Variants in CNTN5 observed in about 807,000 individuals in gnomAD.
CNTN5 encodes the protein contactin-5.
In CNTN5, 77 loss-of-function variants were observed where a neutral mutation model predicts 129.1. That is an observed-to-expected ratio of 0.60 (90% CI 0.50 to 0.72). The LOEUF is 0.72. CNTN5 is among the 30% of genes least tolerant of loss of function. The pLI is 0.00. For synonymous variants in CNTN5, 509 were observed against 465.6 expected (o/e 1.09, Z -1.20); for missense variants, 1,478 against 1,328.8 (o/e 1.11, Z -1.75).
At chr11:100,299,536 A>G (rs1386557469) in intron 20 of CNTN5, 140 bp downstream of exon 20, 2 of 544,580 alleles carry the variant, frequency 3.7e-6, no homozygotes, top group Admixed American at 3.9e-5. Flanking sequence ...TTTTGGATAT[A>G]TATTTCCCAA....
chr11:99,987,274 T>A (rs948871289), intron 8 of CNTN5, among the ~76,000 whole-genome samples: 1 of 151,892 alleles, frequency 6.6e-6, no homozygotes, highest in African/African-American at 2.4e-5. Context: ...CCTGGTTTAG[T>A]TTACAGCTAA....
chr11:99,238,189 G>A (rs931703838), intron 1 of CNTN5, among the ~76,000 whole-genome samples: 5 of 152,074 alleles, frequency 3.3e-5, no homozygotes, highest in African/African-American at 1.2e-4. Flanking sequence ...AATGCACATG[G>A]GGTTAATAAA....
chr11:99,236,463 CACACAA>C (rs1411560088), intron 1 of CNTN5, among the ~76,000 whole-genome samples: 1 of 41,624 alleles, frequency 2.4e-5, no homozygotes, highest in Non-Finnish European at 5.1e-5. Flanking sequence ...CACACACTCA[CACACAA>C]ACACACACAC....
intron 2 of CNTN5, among the ~76,000 whole-genome samples, chr11:99,495,176 G>A (rs1946178524): frequency 6.6e-6 from 1 of 152,054 alleles, no homozygotes; most frequent in Non-Finnish European, 1.5e-5. Context: ...AGACCAGCCT[G>A]ACCAACATGA....
chr11:99,284,903 CCTT>C (rs1425601686), intron 1 of CNTN5, among the ~76,000 whole-genome samples: 8 of 151,932 alleles, frequency 5.3e-5, no homozygotes, highest in Admixed American at 1.3e-4. Context: ...TTGAAGATGA[CCTT>C]CTACTTGCCT....
At chr11:100,269,524 T>C (rs191455271) in intron 17 of CNTN5, among the ~76,000 whole-genome samples, 313 of 152,232 alleles carry the variant, frequency 2.1e-3, no homozygotes, top group Middle Eastern at 0.014. Flanking sequence ...AAAAAAGGGC[T>C]GGTTCTTTTT....
chr11:99,660,908 G>C (rs1281352633), intron 3 of CNTN5, among the ~76,000 whole-genome samples: 1 of 151,744 alleles, frequency 6.6e-6, no homozygotes, highest in African/African-American at 2.4e-5. Flanking sequence ...ATTTTATTTA[G>C]ATAATTAATT....
intron 1 of CNTN5, among the ~76,000 whole-genome samples, chr11:99,211,422 A>G (rs971286693): frequency 6.6e-6 from 1 of 152,080 alleles, no homozygotes; most frequent in African/African-American, 2.4e-5. Context: ...TTCCAGTAGT[A>G]CTTTTTAAAA....
In CNTN5 at chr11:99,312,160, C is replaced by T. The variant is rs1024320769; in HGVS notation, c.-209-13186C>T. ...GAATATATATTTTGCATCAATCCAA[C>T]AACAAAGCAAAACAAAAAATAAATT... On this transcript the variant is annotated intron_variant, in intron 1 of 24. Coordinates refer to ENST00000524871, the MANE Select transcript of CNTN5 (RefSeq NM_014361.4). Among the ~76,000 whole-genome samples, 6 of 152,080 alleles carry T rather than the reference C, an allele frequency of 3.9e-5. No individual in the cohort carries two copies. In the South Asian group the frequency reaches 1.2e-3, roughly 31 times the overall value.
At chr11:100,029,419 A>G (rs1166131408) in intron 9 of CNTN5, among the ~76,000 whole-genome samples, 1 of 151,436 alleles carries the variant, frequency 6.6e-6, no homozygotes, top group Non-Finnish European at 1.5e-5. Flanking sequence ...CATCTCTACT[A>G]AAAATACAAA....
rs988593072 is a variant in CNTN5 at position 99,742,445 on chromosome 11, T to G, written c.56-77099T>G. On this transcript the variant is annotated intron_variant, in intron 3 of 24. Transcript: ENST00000524871. Reference sequence around the variant, plus strand: ...TCAGTAACCAATCATTTGTGCTCCTTTGTCAAATCATTTAATATTTTTGAA... The same window carrying G: ...TCAGTAACCAATCATTTGTGCTCCTGTGTCAAATCATTTAATATTTTTGAA... 3.5e-4 allele frequency among the ~76,000 whole-genome samples: 53 copies of G among 152,166 alleles called. 1 individual carries two copies. The highest frequency in any genetic ancestry group is 3.1e-3 in the Admixed American group (48 of 15,268).
intron 2 of CNTN5, among the ~76,000 whole-genome samples, chr11:99,370,925 T>G (rs1380477051): frequency 1.3e-5 from 2 of 152,184 alleles, no homozygotes; most frequent in Admixed American, 6.5e-5. Flanking sequence ...CTACAGTGTT[T>G]GGGAGAAGAA....
chr11:99,447,893 C>A (rs886928145), intron 2 of CNTN5, among the ~76,000 whole-genome samples: 1 of 151,848 alleles, frequency 6.6e-6, no homozygotes, highest in Non-Finnish European at 1.5e-5. Context: ...CCATTGCACT[C>A]CTGCCTGGGT....
At chr11:99,638,070 G>A (rs1319881336) in intron 3 of CNTN5, among the ~76,000 whole-genome samples, 1 of 94,690 alleles carries the variant, frequency 1.1e-5, no homozygotes, top group African/African-American at 3.1e-5. Flanking sequence ...AGACATACCT[G>A]AAACTGAGAA....
At chr11:100,256,433 T>G (rs961255728) in intron 17 of CNTN5, among the ~76,000 whole-genome samples, 2 of 152,198 alleles carry the variant, frequency 1.3e-5, no homozygotes, top group Admixed American at 6.5e-5. Flanking sequence ...ATCAGTTTCA[T>G]TAGCTCAGTT....
rs535206603 is a variant in CNTN5 at position 100,225,683 on chromosome 11, G to C, written c.2005+871G>C. Among the ~76,000 whole-genome samples, 8 of 152,094 alleles carry C rather than the reference G, an allele frequency of 5.3e-5. No homozygotes were observed. In the South Asian group the frequency reaches 1.2e-3, roughly 24 times the overall value. On this transcript the variant is annotated intron_variant, in intron 16 of 24. Transcript: ENST00000524871. ...CAGAACATTACCAAGATCCCACCAA[G>C]TACCTCTTCATTTTTCATCTTATAC...
intron 18 of CNTN5, among the ~76,000 whole-genome samples, chr11:100,295,945 A>G (rs1951091292): frequency 6.6e-6 from 1 of 151,446 alleles, no homozygotes; most frequent in African/African-American, 2.4e-5. Flanking sequence ...ATACATTTAA[A>G]AAAACAAAAA....
chr11:100,201,227 A>C (rs1430011752), intron 15 of CNTN5, among the ~76,000 whole-genome samples: 6 of 151,992 alleles, frequency 3.9e-5, no homozygotes, highest in African/African-American at 1.4e-4. Context: ...ATACATAACA[A>C]ACTTCTCATG....
intron 1 of CNTN5, among the ~76,000 whole-genome samples, chr11:99,210,344 T>A (rs914902174): frequency 6.6e-6 from 1 of 152,190 alleles, no homozygotes; most frequent in South Asian, 2.1e-4. Flanking sequence ...AGAACATTTA[T>A]GTAATGTGAG....
Sources: gnomAD v4.1 joint callset for allele counts (sites outside exome capture counted in the v4.1 genomes callset) on GRCh38, gnomAD v4.1.1 for gene constraint, MANE v1.5 for transcripts, NCBI Gene and HGNC (gene_info 2026-07-23, HGNC 2026-07-21) for gene names.